The following ARAP2 variants were observed in gnomAD, a reference collection of about 807,000 sequenced individuals.
ARAP2 encodes arf-GAP with Rho-GAP domain, ANK repeat and PH domain-containing protein 2.
In ARAP2, 148 loss-of-function variants were observed where a neutral mutation model predicts 194.5. That is an observed-to-expected ratio of 0.76 (90% confidence interval 0.67 to 0.87). The LOEUF (loss-of-function observed/expected upper bound fraction) is 0.87, where lower values mean the gene tolerates loss of function less well. Among genes scored for constraint, ARAP2 ranks in the 40% least tolerant of loss-of-function variants. ARAP2 has a pLI of 0.00. For synonymous variants in ARAP2, 695 were observed against 683.5 expected, an observed-to-expected ratio of 1.02 and a Z score of -0.26; for missense variants, 2,128 against 1,989.7, an observed-to-expected ratio of 1.07 and a Z score of -1.32.
intron 8 of ARAP2, among the ~76,000 whole-genome samples, chr4:36,186,590 G>A (rs1311490099): frequency 6.6e-6 from 1 of 152,206 alleles, no homozygotes; most frequent in Admixed American, 6.5e-5. Context: ...ACAGCAGAAG[G>A]TGAGCAGCAG....
chr4:36,220,157 T>C (rs1342525789), intron 2 of ARAP2, among the ~76,000 whole-genome samples: 1 of 152,164 alleles, frequency 6.6e-6, no homozygotes, highest in Non-Finnish European at 1.5e-5. Context: ...GCACTAGTAA[T>C]TAATATTGCT....
chr4:36,017,563 G>GAAAAAAAAAAA (rs1560270898), intron 6 of ARAP2, among the ~76,000 whole-genome samples: 7 of 6,520 alleles, frequency 1.1e-3, no homozygotes, highest in Admixed American at 6.3e-3. Context: ...TAAGAAAGTG[G>GAAAAAAAAAAA]TAAAAAAAAA....
chr4:36,148,983 A>G (rs1730299788), intron 16 of ARAP2, among the ~76,000 whole-genome samples: 1 of 152,288 alleles, frequency 6.6e-6, no homozygotes, highest in Non-Finnish European at 1.5e-5. Flanking sequence ...AAGAAAGATA[A>G]ATTTTCCTTT....
intron 1 of ARAP2, among the ~76,000 whole-genome samples, chr4:36,231,203 G>C (rs1053153744): frequency 6.6e-6 from 1 of 152,158 alleles, no homozygotes; most frequent in South Asian, 2.1e-4. Flanking sequence ...GGGTGTGAGG[G>C]TGCGTGCCTG....
chr4:36,173,292 T>C (rs1737063180), intron 9 of ARAP2, among the ~76,000 whole-genome samples: 1 of 152,206 alleles, frequency 6.6e-6, no homozygotes, highest in Non-Finnish European at 1.5e-5. Flanking sequence ...CAACTAGCAA[T>C]ACCACTTATT....
At chr4:36,084,357 T>C (rs1364324097) in intron 28 of ARAP2, among the ~76,000 whole-genome samples, 1 of 152,114 alleles carries the variant, frequency 6.6e-6, no homozygotes, top group African/African-American at 2.4e-5. Context: ...CAATGTTGAC[T>C]GGGGTAGTAC....
chr4:36,057,575 T>C (rs1377957927), intron 2 of ARAP2, among the ~76,000 whole-genome samples: 2 of 152,008 alleles, frequency 1.3e-5, no homozygotes, highest in East Asian at 3.8e-4. Context: ...ATATATTTGA[T>C]TTTTTTTACT....
At chr4:36,133,741 G>A (rs1267687730) in intron 19 of ARAP2, among the ~76,000 whole-genome samples, 3 of 151,720 alleles carry the variant, frequency 2.0e-5, no homozygotes, top group Non-Finnish European at 4.4e-5. Flanking sequence ...TTCTTAAAAA[G>A]AGAAAAAAAC....
At chr4:36,134,034 A>G (rs1199426397) in intron 19 of ARAP2, among the ~76,000 whole-genome samples, 1 of 151,788 alleles carries the variant, frequency 6.6e-6, no homozygotes, top group Non-Finnish European at 1.5e-5. Context: ...AGCACCTGAG[A>G]GTGGGAATGA....
At position 36,160,514 on chromosome 4, in the gene ARAP2, T is replaced by C; in HGVS notation, c.2387A>G (p.Glu796Gly). The change falls in exon 13 of 33, where the codon GAA becomes GGA. Residue 796 changes from glutamate (E) to glycine (G), a missense_variant. Transcript: ENST00000303965. ...CAAAAGAGTTTTTCTGAATTTTCCTTCTTTATATTTCTGAGTAATAAAGTT... is the reference window on the plus strand; with the variant it reads ...CAAAAGAGTTTTTCTGAATTTTCCTCCTTTATATTTCTGAGTAATAAAGTT... ...RKNFITQKYK[E>G]GKFRKTLLAS... The C allele has an allele frequency of 6.4e-7, 1 of 1,569,578 alleles. No homozygotes were observed.
intron 28 of ARAP2, among the ~76,000 whole-genome samples, chr4:36,090,984 G>A (rs546646607): frequency 3.9e-4 from 59 of 152,170 alleles, no homozygotes; most frequent in African/African-American, 1.4e-3. Context: ...TGGAGGTGGG[G>A]CCTGTGCACA....
rs28429851 is a variant in ARAP2 at position 36,074,705 on chromosome 4, T to C, written c.4609-882A>G. On this transcript the variant is annotated intron_variant, in intron 31 of 32. Coordinates refer to ENST00000303965, the MANE Select transcript of ARAP2 (RefSeq NM_015230.4). Reference sequence around the variant, plus strand: ...GAAATGAAAACCATTTAGTAAACTATATAGCTAAATGCCTACTCTTTATTT... The same window carrying C: ...GAAATGAAAACCATTTAGTAAACTACATAGCTAAATGCCTACTCTTTATTT... Among the ~76,000 whole-genome samples, 867 of 152,222 alleles carry C rather than the reference T, an allele frequency of 5.7e-3. 4 individuals are homozygous for C. The highest frequency in any genetic ancestry group is 0.02 in the African/African-American group (817 of 41,558).
At chr4:36,056,254 T>C (rs973888476) in intron 2 of ARAP2, among the ~76,000 whole-genome samples, 32 of 152,356 alleles carry the variant, frequency 2.1e-4, no homozygotes, top group African/African-American at 7.2e-4. Context: ...GAGTTCAATT[T>C]GTACCATAGT....
chr4:36,147,974 G>T (rs965396095), intron 17 of ARAP2, among the ~76,000 whole-genome samples: 1 of 152,094 alleles, frequency 6.6e-6, no homozygotes, highest in African/African-American at 2.4e-5. Context: ...GCTATGTATA[G>T]AGTTGAAACT....
chr4:36,154,600 T>C (rs1054326833), intron 15 of ARAP2, among the ~76,000 whole-genome samples: 1 of 151,882 alleles, frequency 6.6e-6, no homozygotes, highest in African/African-American at 2.4e-5. Flanking sequence ...TTTCTTTTCA[T>C]GAACACTAAA....
chr4:36,242,350 C>T (rs1236729623), intron 1 of ARAP2, among the ~76,000 whole-genome samples: 1 of 152,072 alleles, frequency 6.6e-6, no homozygotes, highest in Non-Finnish European at 1.5e-5. Flanking sequence ...GAAATGTATG[C>T]TAAAAGAAAA....
In ARAP2 at chr4:36,160,461, T is replaced by C. The variant is rs1157680048; in HGVS notation, c.2440A>G (p.Lys814Glu). 3.2e-6 allele frequency: 5 copies of C among 1,546,690 alleles called. No individual in the cohort carries two copies. The highest frequency in any genetic ancestry group is 4.3e-6 in the Non-Finnish European group (5 of 1,152,374). Residue 814 changes from lysine (K) to glutamate (E), a missense_variant and splice_region_variant, in exon 13 of 33, where the codon AAG becomes GAG. Coordinates refer to ENST00000303965, the MANE Select transcript of ARAP2 (RefSeq NM_015230.4). ...LASLTKEELN[K>E]ALCAAVVKPD... Reference sequence around the variant, plus strand: ...TGCTGTTATGTTTAATTGAATACCTTATTTAATTCTTCTTTGGTGAGAGAT... The same window carrying C: ...TGCTGTTATGTTTAATTGAATACCTCATTTAATTCTTCTTTGGTGAGAGAT...
chr4:36,055,506 G>T (rs1423481298), intron 2 of ARAP2, among the ~76,000 whole-genome samples: 4 of 152,168 alleles, frequency 2.6e-5, no homozygotes, highest in African/African-American at 9.7e-5. Flanking sequence ...CAGTCTCATA[G>T]TGTGGGAAGT....
intron 5 of ARAP2, among the ~76,000 whole-genome samples, chr4:36,037,777 A>G (rs2109218443): frequency 6.6e-6 from 1 of 152,192 alleles, no homozygotes; most frequent in African/African-American, 2.4e-5. Flanking sequence ...AAATTCACCA[A>G]TATTTTATTT....
Sources: allele counts gnomAD v4.1 joint callset (sites outside exome capture counted in the v4.1 genomes callset), GRCh38; gene constraint gnomAD v4.1.1; transcripts MANE v1.5; gene names NCBI Gene and HGNC (gene_info 2026-07-23, HGNC 2026-07-21).